Variants in PCGF5 observed in about 807,000 individuals in gnomAD.
PCGF5 encodes the protein polycomb group ring finger 5.
A neutral mutation model predicts 44.3 loss-of-function variants in PCGF5; 9 were observed. The observed-to-expected ratio is 0.20, with a 90% CI of 0.12 to 0.35. The LOEUF is 0.35. Among genes scored for constraint, PCGF5 ranks in the 10% least tolerant of loss-of-function variants. The probability of loss-of-function intolerance (pLI) is 1.00; values close to 1 mark genes in which losing one functional copy is unlikely to be tolerated. For missense variants in PCGF5, 146 were observed against 305.3 expected (o/e 0.48, Z 3.89); for synonymous variants, 95 against 102.5 (o/e 0.93, Z 0.44).
At chr10:91,247,704 T>G (rs1210884663) in intron 3 of PCGF5, among the ~76,000 whole-genome samples, 1 of 152,116 alleles carries the variant, frequency 6.6e-6, no homozygotes. Context: ...TTTAAAGTTT[T>G]CATTTCAGAA....
intron 2 of PCGF5, chr10:91,227,489 C>A (rs1016275196): frequency 1.2e-5 from 15 of 1,277,368 alleles, no homozygotes; most frequent in Non-Finnish European, 1.5e-5. Flanking sequence ...CAAAACTGGG[C>A]AAAGTCCTGC....
intron 1 of PCGF5, among the ~76,000 whole-genome samples, chr10:91,166,961 A>G (rs1224336699): frequency 2.0e-5 from 3 of 152,210 alleles, no homozygotes; most frequent in South Asian, 2.1e-4. Flanking sequence ...AGTTTTTTCA[A>G]TCGGAGAATA....
intron 6 of PCGF5, 101 bp downstream of exon 6, chr10:91,251,541 AG>A: frequency 8.9e-7 from 1 of 1,125,454 alleles, no homozygotes; most frequent in Non-Finnish European, 1.3e-6. Flanking sequence ...TTGCTTTCAA[AG>A]TTTTAATTAA....
chr10:91,192,501 C>G (rs1056552955), intron 1 of PCGF5, among the ~76,000 whole-genome samples: 1 of 152,084 alleles, frequency 6.6e-6, no homozygotes, highest in Non-Finnish European at 1.5e-5. Flanking sequence ...AATCTTTATT[C>G]TAATTAGCAT....
chr10:91,250,914 G>A (rs1041933297), intron 5 of PCGF5, among the ~76,000 whole-genome samples: 1 of 42,768 alleles, frequency 2.3e-5, no homozygotes, highest in Non-Finnish European at 4.0e-5. Context: ...ATTTATAAAC[G>A]AGTATAATTT....
intron 1 of PCGF5, among the ~76,000 whole-genome samples, chr10:91,199,141 A>G (rs1255713977): frequency 6.6e-6 from 1 of 152,220 alleles, no homozygotes; most frequent in African/African-American, 2.4e-5. Flanking sequence ...ACAGCATTCA[A>G]GGGATCATCC....
intron 1 of PCGF5, among the ~76,000 whole-genome samples, chr10:91,204,786 G>T (rs1217419154): frequency 6.6e-6 from 1 of 152,050 alleles, no homozygotes; most frequent in Non-Finnish European, 1.5e-5. Context: ...TGTCTTTTGT[G>T]AAAATGAGTA....
intron 1 of PCGF5, among the ~76,000 whole-genome samples, chr10:91,192,605 T>C (rs1210330689): frequency 1.3e-5 from 2 of 152,230 alleles, no homozygotes; most frequent in Non-Finnish European, 1.5e-5. Context: ...AGATAGTCTT[T>C]GGAATATCAA....
At chr10:91,264,891 G>A (rs1295522370) in intron 8 of PCGF5, among the ~76,000 whole-genome samples, 2 of 152,140 alleles carry the variant, frequency 1.3e-5, no homozygotes, top group African/African-American at 4.8e-5. Flanking sequence ...TGGTTGATAA[G>A]GGTGTTTATT....
At chr10:91,178,766 G>T (rs1230788345) in intron 1 of PCGF5, among the ~76,000 whole-genome samples, 1 of 119,728 alleles carries the variant, frequency 8.4e-6, no homozygotes, top group Non-Finnish European at 1.8e-5. Context: ...ATTAAAAATA[G>T]TAAAAAAAAA....
At chr10:91,214,781 G>C (rs943747590) in intron 1 of PCGF5, among the ~76,000 whole-genome samples, 2 of 152,196 alleles carry the variant, frequency 1.3e-5, no homozygotes, top group African/African-American at 4.8e-5. Context: ...GTCTGAGGAA[G>C]ACAAGGAAGG....
chr10:91,248,460 T>G (rs1321865516), intron 3 of PCGF5, 45 bp from the exon 4 acceptor site: 1 of 1,495,032 alleles, frequency 6.7e-7, no homozygotes, highest in East Asian at 2.3e-5. Context: ...ATGTCAGATC[T>G]TGGTGTCTTC....
chr10:91,212,051 GATTTT>G (rs1241672620), intron 1 of PCGF5, among the ~76,000 whole-genome samples: 1 of 152,178 alleles, frequency 6.6e-6, no homozygotes, highest in Non-Finnish European at 1.5e-5. Context: ...TGAGGACAAT[GATTTT>G]ATTTATCTTA....
intron 2 of PCGF5, among the ~76,000 whole-genome samples, chr10:91,223,608 A>AT (rs1844737968): frequency 6.6e-6 from 1 of 152,118 alleles, no homozygotes; most frequent in Admixed American, 6.5e-5. Flanking sequence ...AGGAAGAGGC[A>AT]TTTTTTACTG....
intron 3 of PCGF5, among the ~76,000 whole-genome samples, chr10:91,243,824 A>C (rs1845389992): frequency 6.6e-6 from 1 of 152,346 alleles, no homozygotes; most frequent in East Asian, 1.9e-4. Flanking sequence ...TTTATATAAA[A>C]AGTATAAAGT....
In PCGF5 at chr10:91,222,790, C is replaced by A; in HGVS notation, c.-82C>A. Reference sequence around the variant, plus strand: ...TCAGGACATCCTACTGGGAACGACACACCAGCTCCTGGGATCAGACTTTCA... The same window carrying A: ...TCAGGACATCCTACTGGGAACGACAAACCAGCTCCTGGGATCAGACTTTCA... On this transcript the variant is annotated 5_prime_UTR_variant, in exon 2 of 10. Coordinates refer to ENST00000336126, the MANE Select transcript of PCGF5 (RefSeq NM_032373.5). 1.3e-6 allele frequency: 1 copy of A among 769,166 alleles called. No homozygotes were observed. Among genetic ancestry groups the A allele is most frequent in the Non-Finnish European group, 2.2e-6 (1 of 447,898 alleles). The allele number at this position is 769,166 out of a possible 1,614,324, so 47.6% of individuals were successfully genotyped here.
intron 1 of PCGF5, among the ~76,000 whole-genome samples, chr10:91,175,234 A>G (rs1843683410): frequency 1.3e-5 from 2 of 152,206 alleles, no homozygotes; most frequent in African/African-American, 4.8e-5. Flanking sequence ...AAAGTAAAAT[A>G]GAGGTTCTGG....
chr10:91,237,709 A>G (rs913651654), intron 2 of PCGF5, among the ~76,000 whole-genome samples: 3 of 151,884 alleles, frequency 2.0e-5, no homozygotes, highest in Admixed American at 6.6e-5. Flanking sequence ...GCGCCACTGC[A>G]CTCTAGCCTA....
rs60146527 is a variant in PCGF5, at chr10:91,232,773, A to AGAAAAT, written c.113-7709_113-7708insAAATGA. ...TATTGCCTTTTGTTTTCAGTAAAAT[A>AGAAAAT]GAGGTCCTCAGTGGAGAGTGAGGAT... On this transcript the variant is annotated intron_variant, in intron 2 of 9. Coordinates refer to ENST00000336126, the MANE Select transcript of PCGF5 (RefSeq NM_032373.5). 5.9e-5 allele frequency among the ~76,000 whole-genome samples: 9 copies of AGAAAAT among 152,088 alleles called. No individual in the cohort carries two copies. The South Asian group carries it at 1.9e-3, about 32-fold the overall frequency.
Sources: allele counts gnomAD v4.1 joint callset (sites outside exome capture counted in the v4.1 genomes callset), GRCh38; gene constraint gnomAD v4.1.1; transcripts MANE v1.5; gene names NCBI Gene and HGNC (gene_info 2026-07-23, HGNC 2026-07-21).